The following CAST variants were observed in gnomAD, a reference collection of about 807,000 sequenced individuals.
The protein encoded by CAST is MIR583 host.
CAST carries 76 observed loss-of-function variants against 119.6 expected under a neutral mutation model. That is an observed-to-expected ratio of 0.64 (90% CI 0.53 to 0.77). CAST has a LOEUF of 0.77. CAST is among the 30% of genes least tolerant of loss of function. The probability of loss-of-function intolerance (pLI) is 0.00; values close to 1 mark genes in which losing one functional copy is unlikely to be tolerated. For missense variants in CAST, 953 were observed against 946.5 expected (o/e 1.01, Z -0.09); for synonymous variants, 319 against 331.6 (o/e 0.96, Z 0.41).
the CAST span, among the ~76,000 whole-genome samples, chr5:96,249,091 A>G: frequency 6.6e-6 from 1 of 152,242 alleles, no homozygotes; most frequent in Non-Finnish European, 1.5e-5. Flanking sequence ...TTTAACCTGT[A>G]TTATTCCAGA....
At chr5:96,414,803 C>T in the CAST span, among the ~76,000 whole-genome samples, 1 of 152,182 alleles carries the variant, frequency 6.6e-6, no homozygotes. Context: ...ATTTGTGCTT[C>T]TCCCTTCATT....
At chr5:96,166,862 A>G in the CAST span, among the ~76,000 whole-genome samples, 477 of 152,218 alleles carry the variant, frequency 3.1e-3, 1 homozygote, top group Non-Finnish European at 3.7e-3. Flanking sequence ...ATAAAACAAA[A>G]TAGTGGTAAA....
the CAST span, among the ~76,000 whole-genome samples, chr5:96,068,818 T>G: frequency 6.6e-6 from 1 of 151,286 alleles, no homozygotes; most frequent in African/African-American, 2.4e-5. Flanking sequence ...ATATTTTATA[T>G]ATACACACAC....
chr5:96,685,739 G>C (rs879164486), intron 2 of CAST, among the ~76,000 whole-genome samples: 1 of 152,134 alleles, frequency 6.6e-6, no homozygotes, highest in African/African-American at 2.4e-5. Context: ...ACCTGGGGAT[G>C]GTATGAGAAA....
At chr5:96,762,073 T>C in intron 24 of CAST, 1 of 402,874 alleles carries the variant, frequency 2.5e-6, no homozygotes, top group Non-Finnish European at 4.4e-6. Context: ...GAGAAGGAAA[T>C]AGAAATAGCA....
At chr5:96,179,427 C>T in the CAST span, among the ~76,000 whole-genome samples, 198 of 152,312 alleles carry the variant, frequency 1.3e-3, 1 homozygote, top group Non-Finnish European at 2.5e-3. Context: ...CTTCCCCAAA[C>T]CTCTTCCTGA....
At position 96,774,563 on chromosome 5, in the gene CAST, G is replaced by C. The variant is rs568711440; in HGVS notation, c.*1947G>C. On this transcript the variant is annotated 3_prime_UTR_variant, in exon 32 of 32. Coordinates refer to ENST00000675179, the MANE Select transcript of CAST (RefSeq NM_001750.7). ...GCAATATTGTATCTGTTTAGAAAATGGGCTTTTCCAAAAGCAAACAAAGAT... is the reference window on the plus strand; with the variant it reads ...GCAATATTGTATCTGTTTAGAAAATCGGCTTTTCCAAAAGCAAACAAAGAT... 466 of 985,432 alleles carry C rather than the reference G, an allele frequency of 4.7e-4. 1 individual carries two copies. Among genetic ancestry groups the C allele is most frequent in the South Asian group, 9.4e-4 (20 of 21,280 alleles). 61.0% of individuals were successfully genotyped at this position (985,432 alleles called of 1,614,324 possible). A position where few individuals can be genotyped will look rare whatever the true frequency, so the allele number is the denominator to read the frequency against.
chr5:96,275,832 T>C, the CAST span, among the ~76,000 whole-genome samples: 1 of 152,198 alleles, frequency 6.6e-6, no homozygotes, highest in Non-Finnish European at 1.5e-5. Context: ...GGAGAGAGGA[T>C]AGAGCCTCCG....
intron 29 of CAST, chr5:96,769,727 C>A (rs1771543575): frequency 6.6e-6 from 1 of 151,752 alleles, no homozygotes; most frequent in South Asian, 2.1e-4. Flanking sequence ...TGACCTATAT[C>A]TCTGTTTCCT....
At chr5:96,274,013 T>C in the CAST span, among the ~76,000 whole-genome samples, 1 of 152,076 alleles carries the variant, frequency 6.6e-6, no homozygotes, top group Admixed American at 6.5e-5. Flanking sequence ...TTTGACATCT[T>C]AGCAAGAACT....
chr5:96,754,843 T>G (rs1765936989), intron 22 of CAST, 102 bp downstream of exon 22: 2 of 707,010 alleles, frequency 2.8e-6, no homozygotes, highest in Non-Finnish European at 5.0e-6. Context: ...AAGATCTTGT[T>G]TCTTCATATT....
chr5:95,983,797 G>A, the CAST span, among the ~76,000 whole-genome samples: 1 of 152,072 alleles, frequency 6.6e-6, no homozygotes, highest in African/African-American at 2.4e-5. Flanking sequence ...AGAGAAGGGG[G>A]AACATTTTCT....
intron 3 of CAST, among the ~76,000 whole-genome samples, chr5:96,719,285 C>G (rs755221477): frequency 3.9e-4 from 59 of 152,278 alleles, no homozygotes; most frequent in Middle Eastern, 3.4e-3. Flanking sequence ...CTCAGCCTTC[C>G]AAGTAGCTGG....
At chr5:96,597,713 T>G (rs1307878076) in intron 1 of CAST, among the ~76,000 whole-genome samples, 1 of 152,226 alleles carries the variant, frequency 6.6e-6, no homozygotes, top group African/African-American at 2.4e-5. Flanking sequence ...TTTCACCTTC[T>G]TTCTTTCCTA....
chr5:96,586,174 C>A (rs1746856256), intron 1 of CAST, among the ~76,000 whole-genome samples: 1 of 152,186 alleles, frequency 6.6e-6, no homozygotes, highest in African/African-American at 2.4e-5. Context: ...AGTTAATTAT[C>A]TTGCCCACTA....
the CAST span, among the ~76,000 whole-genome samples, chr5:96,061,435 T>C: frequency 6.6e-6 from 1 of 152,152 alleles, no homozygotes; most frequent in African/African-American, 2.4e-5. Flanking sequence ...TCAATGGCAG[T>C]TCTCTCCCAG....
At chr5:96,498,043 G>A in the CAST span, among the ~76,000 whole-genome samples, 11 of 152,308 alleles carry the variant, frequency 7.2e-5, no homozygotes, top group East Asian at 1.9e-3. Context: ...TTTGTATAAG[G>A]TGTAAGAAAG....
At chr5:96,126,829 A>G in the CAST span, among the ~76,000 whole-genome samples, 2 of 152,170 alleles carry the variant, frequency 1.3e-5, no homozygotes, top group Non-Finnish European at 2.9e-5. Flanking sequence ...AAATTAAGGT[A>G]TAAAAAGGTT....
At chr5:96,497,268 C>T in the CAST span, among the ~76,000 whole-genome samples, 1,282 of 152,184 alleles carry the variant, frequency 8.4e-3, 28 homozygotes, top group African/African-American at 0.029. Context: ...CATTGTTGGA[C>T]ATTTGGCTTG....
Sources: gnomAD v4.1 joint callset for allele counts (sites outside exome capture counted in the v4.1 genomes callset) on GRCh38, gnomAD v4.1.1 for gene constraint, MANE v1.5 for transcripts, NCBI Gene and HGNC (gene_info 2026-07-23, HGNC 2026-07-21) for gene names.